RNF32: variants seen among roughly 807,000 people sequenced by gnomAD.
RNF32 encodes the protein ring finger protein 32.
Under a neutral mutation model 41.0 loss-of-function variants are expected in RNF32, and 36 were observed. The ratio of observed to expected loss-of-function variants is 0.88; its 90% confidence interval spans 0.67 to 1.16. The LOEUF is 1.16. Among genes scored for constraint, RNF32 ranks in the 50% most tolerant of loss-of-function variants. The pLI is 0.00. For missense variants in RNF32, 413 were observed against 436.7 expected (o/e 0.95, Z 0.48); for synonymous variants, 154 against 160.9 (o/e 0.96, Z 0.32).
At chr7:156,672,243 A>G (rs1475995261) in intron 7 of RNF32, among the ~76,000 whole-genome samples, 1 of 152,172 alleles carries the variant, frequency 6.6e-6, no homozygotes, top group Non-Finnish European at 1.5e-5. Context: ...AGTGCCTACT[A>G]TGGTCGGTGC....
At chr7:156,661,412 C>T (rs572337996) in intron 7 of RNF32, among the ~76,000 whole-genome samples, 18 of 152,128 alleles carry the variant, frequency 1.2e-4, no homozygotes, top group Non-Finnish European at 2.4e-4. Context: ...CATCGTTTCC[C>T]GAGTTCAAGC....
chr7:156,665,978 C>T (rs1801288271), intron 7 of RNF32, among the ~76,000 whole-genome samples: 1 of 152,206 alleles, frequency 6.6e-6, no homozygotes, highest in South Asian at 2.1e-4. Flanking sequence ...TATTTCACTC[C>T]ACTGAATTTA....
intron 7 of RNF32, among the ~76,000 whole-genome samples, chr7:156,672,988 G>A (rs764870063): frequency 5.3e-5 from 8 of 152,214 alleles, no homozygotes; most frequent in Non-Finnish European, 1.0e-4. Context: ...CTGTGGCCTC[G>A]GCAGGCCCGG....
At chr7:156,645,537 A>G (rs554015435) in intron 3 of RNF32, among the ~76,000 whole-genome samples, 8 of 152,224 alleles carry the variant, frequency 5.3e-5, no homozygotes, top group Non-Finnish European at 8.8e-5. Context: ...CAGGAGACCC[A>G]GGGGACATAG....
intron 7 of RNF32, chr7:156,659,410 A>G (rs1800257521): frequency 1.0e-6 from 1 of 985,664 alleles, no homozygotes; most frequent in South Asian, 4.7e-5. Flanking sequence ...TTCATTCTCA[A>G]TTTGGTAAAG....
chr7:156,674,950 A>G (rs866648073), intron 7 of RNF32, among the ~76,000 whole-genome samples: 5 of 152,324 alleles, frequency 3.3e-5, no homozygotes, highest in Middle Eastern at 6.8e-3. Flanking sequence ...CAACCAAGAA[A>G]ACAGCAGGGG....
intron 8 of RNF32, 66 bp downstream of exon 8, chr7:156,675,929 G>A (rs1803850049): frequency 2.0e-6 from 3 of 1,514,702 alleles, no homozygotes. Context: ...GTGGGGAGTG[G>A]CATGTGGGGG....
intron 3 of RNF32, among the ~76,000 whole-genome samples, chr7:156,650,239 G>A (rs565247818): frequency 6.6e-6 from 1 of 152,222 alleles, no homozygotes; most frequent in Non-Finnish European, 1.5e-5. Context: ...GACACAAGAG[G>A]GTGCACAGCC....
At chr7:156,660,229 A>G (rs1356791697) in intron 7 of RNF32, 1 of 985,388 alleles carries the variant, frequency 1.0e-6, no homozygotes, top group Non-Finnish European at 1.2e-6. Flanking sequence ...AAAATGTGCC[A>G]GTTTTTCAAA....
Position 156,668,947 on chromosome 7 carries a change from T to C in RNF32, c.685-6749T>C, listed in dbSNP as rs548324236. On this transcript the variant is annotated intron_variant, in intron 7 of 8. Coordinates refer to ENST00000317955, the MANE Select transcript of RNF32 (RefSeq NM_030936.4). ...CACCATTACATATAAAGGGAATTGTTTTTCTCATTGAGGAAATGCTTTAAT... is the reference window on the plus strand; with the variant it reads ...CACCATTACATATAAAGGGAATTGTCTTTCTCATTGAGGAAATGCTTTAAT... 2.1e-3 allele frequency: 322 copies of C among 152,338 alleles called. 2 individuals carry two copies. Among genetic ancestry groups the C allele is most frequent in the African/African-American group, 7.4e-3 (306 of 41,578 alleles). The allele number at this position is 152,338 out of a possible 1,614,324, so 9.4% of individuals were successfully genotyped here.
At chr7:156,658,952 T>C (rs1585052661) in intron 7 of RNF32, 1 of 1,520,466 alleles carries the variant, frequency 6.6e-7, no homozygotes, top group Non-Finnish European at 8.8e-7. Context: ...GTAATGAAAA[T>C]AGAAGCTGCC....
rs1478115378 is a variant in RNF32 at position 156,670,670 on chromosome 7, T to C, written c.685-5026T>C. Among the ~76,000 whole-genome samples, 1 of 152,048 alleles carries C rather than the reference T, an allele frequency of 6.6e-6. No homozygotes were observed. The highest frequency in any genetic ancestry group is 1.5e-5 in the Non-Finnish European group (1 of 68,014). On this transcript the variant is annotated intron_variant, in intron 7 of 8. Coordinates refer to ENST00000317955, the MANE Select transcript of RNF32 (RefSeq NM_030936.4). The surrounding 1 kb of genome is among the most constrained non-coding windows in gnomAD (Gnocchi z 4.3). ...ACCCTGGGACCTGCAGATTTCCCAG[T>C]GGGAGCGGCAGAAGGTGAGATGGCA...
Position 156,660,828 on chromosome 7 carries a change from G to A in RNF32, c.684+2258G>A, listed in dbSNP as rs572725413. ...AGTGCACCCCGGGCGGTTGGATTAC[G>A]GTTTGGTTTCATACATTTTAGGGAG... On this transcript the variant is annotated intron_variant, in intron 7 of 8. Transcript: ENST00000317955. Among the ~76,000 whole-genome samples the A allele has an allele frequency of 5.3e-5, 8 of 152,352 alleles. No homozygotes were observed. In the East Asian group the frequency reaches 5.8e-4, roughly 11 times the overall value.
At chr7:156,641,816 A>G (rs1457524589) in intron 1 of RNF32, among the ~76,000 whole-genome samples, 2 of 152,188 alleles carry the variant, frequency 1.3e-5, no homozygotes, top group Non-Finnish European at 2.9e-5. Context: ...TTTAAATTCC[A>G]CCATTTCTCC....
intron 3 of RNF32, among the ~76,000 whole-genome samples, chr7:156,650,823 C>T (rs1277086603): frequency 2.0e-5 from 3 of 152,248 alleles, no homozygotes; most frequent in African/African-American, 7.2e-5. Context: ...TCAGCCTCTT[C>T]AGTCTTACTG....
At chr7:156,643,934 T>C in intron 2 of RNF32, 42 bp downstream of exon 2, 1 of 1,536,400 alleles carries the variant, frequency 6.5e-7, no homozygotes, top group African/African-American at 1.4e-5. Context: ...ATTTGACTCA[T>C]GAAATGTATT....
chr7:156,652,620 G>A (rs375620103), intron 3 of RNF32, among the ~76,000 whole-genome samples: 1 of 152,032 alleles, frequency 6.6e-6, no homozygotes, highest in Middle Eastern at 3.4e-3. Context: ...ACTTCATGAC[G>A]TCTTGATGAC....
chr7:156,673,538 G>A (rs1803076024), intron 7 of RNF32, among the ~76,000 whole-genome samples: 2 of 152,168 alleles, frequency 1.3e-5, no homozygotes, highest in African/African-American at 4.8e-5. Context: ...GAGTGAAAGA[G>A]AATTTGACTC....
intron 1 of RNF32, among the ~76,000 whole-genome samples, chr7:156,642,197 A>G (rs1410460549): frequency 1.3e-5 from 2 of 152,242 alleles, no homozygotes; most frequent in African/African-American, 4.8e-5. Context: ...TAAGCCATGC[A>G]GTGTACAAGG....
Sources: gnomAD v4.1 joint callset for allele counts (sites outside exome capture counted in the v4.1 genomes callset) on GRCh38, gnomAD v4.1.1 for gene constraint, Gnocchi (gnomAD v3.1) non-coding constraint, MANE v1.5 for transcripts, NCBI Gene and HGNC (gene_info 2026-07-23, HGNC 2026-07-21) for gene names.